Variants in SLC15A1 observed in about 807,000 individuals in gnomAD.
SLC15A1 encodes the protein solute carrier family 15 member 1, also known as Caco-2 oligopeptide transporter.
A neutral mutation model predicts 92.9 loss-of-function variants in SLC15A1; 83 were observed. That is an observed-to-expected ratio of 0.89 (90% confidence interval 0.75 to 1.07). SLC15A1 has a LOEUF of 1.07. SLC15A1 is among the 50% of genes least tolerant of loss of function. The probability of loss-of-function intolerance (pLI) is 0.00; values close to 1 mark genes in which losing one functional copy is unlikely to be tolerated. For synonymous variants in SLC15A1, 322 were observed against 318.2 expected (o/e 1.01, Z -0.13); for missense variants, 857 against 880.1 (o/e 0.97, Z 0.33).
At chr13:98,730,584 C>G (rs1220637885) in intron 1 of SLC15A1, among the ~76,000 whole-genome samples, 1 of 152,150 alleles carries the variant, frequency 6.6e-6, no homozygotes, top group Non-Finnish European at 1.5e-5. Context: ...TCGGGCCAGC[C>G]GAACAACCAA....
chr13:98,689,444 G>T (rs140097193), intron 18 of SLC15A1, among the ~76,000 whole-genome samples: 2 of 151,848 alleles, frequency 1.3e-5, no homozygotes, highest in Non-Finnish European at 2.9e-5. Context: ...AACAAGAGAC[G>T]GTTTTTTCAG....
At chr13:98,718,944 T>C (rs144257457) in intron 8 of SLC15A1, among the ~76,000 whole-genome samples, 10 of 152,300 alleles carry the variant, frequency 6.6e-5, no homozygotes, top group African/African-American at 2.4e-4. Flanking sequence ...TGAGTGACCA[T>C]GCTGGGCCTC....
intron 1 of SLC15A1, among the ~76,000 whole-genome samples, chr13:98,737,674 C>T (rs568465629): frequency 6.6e-6 from 1 of 152,242 alleles, no homozygotes; most frequent in African/African-American, 2.4e-5. Context: ...CCAATTATAT[C>T]TCTTTTCATT....
intron 1 of SLC15A1, among the ~76,000 whole-genome samples, chr13:98,744,748 CAAAAA>C (rs5806073): frequency 2.7e-4 from 22 of 82,406 alleles, no homozygotes; most frequent in African/African-American, 7.4e-4. Flanking sequence ...GATTCCATCT[CAAAAA>C]AAAAAAAAAA....
Position 98,708,967 on chromosome 13 carries a change from C to CTT in SLC15A1, c.1068-202_1068-201dup, listed in dbSNP as rs61087152. Among the ~76,000 whole-genome samples the CTT allele has an allele frequency of 5.7e-3, 724 of 126,700 alleles. 24 individuals are homozygous for CTT. The highest frequency in any genetic ancestry group is 0.018 in the African/African-American group (606 of 34,308). 83.1% of individuals were successfully genotyped at this position (126,700 alleles called of 152,430 possible). A position where few individuals can be genotyped will look rare whatever the true frequency, so the allele number is the denominator to read the frequency against. ...ATATAGCTTCTTGTTTGCATATTTA[C>CTT]TTTTTTTTTTTTTTTTTTGAGACAG... On this transcript the variant is annotated intron_variant, in intron 14 of 22. Transcript: ENST00000376503.
At chr13:98,732,559 T>A (rs1158671701) in intron 1 of SLC15A1, among the ~76,000 whole-genome samples, 1 of 152,180 alleles carries the variant, frequency 6.6e-6, no homozygotes, top group East Asian at 1.9e-4. Flanking sequence ...CTACTATTTA[T>A]ATAAAGCATG....
At chr13:98,709,801 TG>T in intron 12 of SLC15A1, 27 bp from the exon 13 acceptor site, 2 of 1,614,026 alleles carry the variant, frequency 1.2e-6, no homozygotes, top group Non-Finnish European at 1.7e-6. Flanking sequence ...ACAATCTCAG[TG>T]AAAAATGTCA....
intron 1 of SLC15A1, among the ~76,000 whole-genome samples, chr13:98,749,088 C>T (rs774563239): frequency 6.6e-6 from 1 of 152,216 alleles, no homozygotes; most frequent in Non-Finnish European, 1.5e-5. Context: ...ATGCCAAAGG[C>T]TTCCTTCAGT....
chr13:98,692,838 C>T lies in SLC15A1; in HGVS notation c.1467-4261G>A, dbSNP rs1244782173. Among the ~76,000 whole-genome samples the T allele has an allele frequency of 4.6e-5, 7 of 152,022 alleles. No homozygotes were observed. The East Asian group carries it at 7.7e-4, about 17-fold the overall frequency. On this transcript the variant is annotated intron_variant, in intron 18 of 22. Transcript: ENST00000376503. ...ATGGCTTATTGCAGCCTCGACCTCC[C>T]GGGGCTCAGGTGATCCTCCCACCTC...
chr13:98,709,200 C>T (rs138586435), intron 14 of SLC15A1, among the ~76,000 whole-genome samples: 1 of 152,226 alleles, frequency 6.6e-6, no homozygotes, highest in African/African-American at 2.4e-5. Context: ...AACTCCTGAC[C>T]TCAAATGGTC....
intron 18 of SLC15A1, among the ~76,000 whole-genome samples, chr13:98,701,019 T>C (rs57922371): frequency 0.069 from 10,487 of 152,264 alleles, 918 homozygotes; most frequent in African/African-American, 0.2. Flanking sequence ...CTAGTTCCTT[T>C]GCCTTTCCAT....
At chr13:98,730,763 C>T (rs753332985) in intron 1 of SLC15A1, among the ~76,000 whole-genome samples, 2 of 152,208 alleles carry the variant, frequency 1.3e-5, no homozygotes, top group Non-Finnish European at 2.9e-5. Context: ...CCTAAGGCCC[C>T]GTTTATCAGT....
intron 1 of SLC15A1, among the ~76,000 whole-genome samples, chr13:98,744,408 G>T (rs1381584303): frequency 6.6e-6 from 1 of 150,740 alleles, no homozygotes; most frequent in Non-Finnish European, 1.5e-5. Context: ...TAAGTATGAC[G>T]TTAGGGTATA....
intron 1 of SLC15A1, among the ~76,000 whole-genome samples, chr13:98,744,615 G>T (rs1232546278): frequency 6.6e-6 from 1 of 151,874 alleles, no homozygotes; most frequent in Non-Finnish European, 1.5e-5. Flanking sequence ...CGGGCGTGGT[G>T]GCATGTGCCT....
At position 98,726,468 on chromosome 13, in the gene SLC15A1, G is replaced by T. The variant is rs773893052; in HGVS notation, c.22-19C>A. ...AGAAACTCTGACAAAAAAGAAACAA[G>T]CACAGGATTGAAATACACCCCCCAC... On this transcript the variant is annotated intron_variant, in intron 2 of 22. Transcript: ENST00000376503. The T allele has an allele frequency of 1.6e-5, 26 of 1,609,246 alleles. No individual in the cohort carries two copies. Among genetic ancestry groups the T allele is most frequent in the Non-Finnish European group, 2.2e-5 (26 of 1,176,702 alleles).
At chr13:98,716,067 G>A (rs2088209608) in intron 8 of SLC15A1, 107 bp from the exon 9 acceptor site, 2 of 919,902 alleles carry the variant, frequency 2.2e-6, no homozygotes, top group Non-Finnish European at 3.5e-6. Context: ...GGGATAATGG[G>A]ATTACTTATG....
intron 16 of SLC15A1, among the ~76,000 whole-genome samples, chr13:98,705,256 T>G (rs924746377): frequency 2.0e-5 from 3 of 151,278 alleles, no homozygotes; most frequent in Non-Finnish European, 4.4e-5. Context: ...ATCAAAATTT[T>G]CAAAGCTCTC....
chr13:98,731,041 G>A (rs946245664), intron 1 of SLC15A1, among the ~76,000 whole-genome samples: 2 of 152,188 alleles, frequency 1.3e-5, no homozygotes, highest in Admixed American at 6.5e-5. Context: ...CTTCTCTGAC[G>A]TCAGCCCTTC....
intron 9 of SLC15A1, among the ~76,000 whole-genome samples, chr13:98,714,059 G>GAAAAAAAAAA (rs56096468): frequency 7.4e-6 from 1 of 134,454 alleles, no homozygotes; most frequent in Admixed American, 7.6e-5. Context: ...TCTCAAAAAG[G>GAAAAAAAAAA]AAAAAAAAAA....
Sources: allele counts gnomAD v4.1 joint callset (sites outside exome capture counted in the v4.1 genomes callset), GRCh38; gene constraint gnomAD v4.1.1; transcripts MANE v1.5; gene names NCBI Gene and HGNC (gene_info 2026-07-23, HGNC 2026-07-21).